Variants in CHCHD3 observed in about 807,000 individuals in gnomAD.
CHCHD3 encodes the protein coiled-coil-helix-coiled-coil-helix domain containing 3, also known as MICOS complex subunit MIC19.
CHCHD3 carries 20 observed loss-of-function variants against 38.2 expected under a neutral mutation model. The ratio of observed to expected loss-of-function variants is 0.52; its 90% CI spans 0.37 to 0.76. The LOEUF (loss-of-function observed/expected upper bound fraction) is 0.76. Among genes scored for constraint, CHCHD3 ranks in the 30% least tolerant of loss-of-function variants. The pLI is 0.00. For synonymous variants in CHCHD3, 82 were observed against 100.0 expected, an observed-to-expected ratio of 0.82 and a Z score of 1.07; for missense variants, 245 against 279.2, an observed-to-expected ratio of 0.88 and a Z score of 0.87.
chr7:133,042,336 G>A (rs892316937), intron 2 of CHCHD3, among the ~76,000 whole-genome samples: 16 of 151,988 alleles, frequency 1.1e-4, no homozygotes, highest in Admixed American at 7.9e-4. Flanking sequence ...ACTATCTTAC[G>A]TTTCCCTTTG....
At chr7:133,028,331 A>G (rs560055127) in intron 2 of CHCHD3, among the ~76,000 whole-genome samples, 5 of 152,318 alleles carry the variant, frequency 3.3e-5, no homozygotes, top group East Asian at 1.9e-4. Flanking sequence ...GAGAGTAACT[A>G]TGATGCACTG....
intron 2 of CHCHD3, 94 bp downstream of exon 2, chr7:133,070,048 G>A (rs1814773805): frequency 7.1e-6 from 6 of 842,912 alleles, no homozygotes; most frequent in African/African-American, 3.5e-5. Flanking sequence ...TCTAAATAAC[G>A]AAAGACAGAA....
chr7:132,940,355 G>C (rs1810734470), intron 4 of CHCHD3, among the ~76,000 whole-genome samples: 1 of 152,180 alleles, frequency 6.6e-6, no homozygotes, highest in Admixed American at 6.5e-5. Context: ...GCATCCCTGG[G>C]AAATAAGGTG....
At chr7:132,945,102 C>T (rs1554392448) in intron 4 of CHCHD3, among the ~76,000 whole-genome samples, 1 of 151,850 alleles carries the variant, frequency 6.6e-6, no homozygotes, top group African/African-American at 2.4e-5. Context: ...TCTTGTCTAA[C>T]GGCATTGGTT....
intron 4 of CHCHD3, among the ~76,000 whole-genome samples, chr7:132,951,967 G>C (rs1447245166): frequency 6.6e-6 from 1 of 152,216 alleles, no homozygotes; most frequent in East Asian, 1.9e-4. Context: ...CATCAAGGGA[G>C]AGGCCCAAGA....
chr7:133,009,827 A>G (rs972641819), intron 3 of CHCHD3, among the ~76,000 whole-genome samples: 3 of 152,312 alleles, frequency 2.0e-5, no homozygotes, highest in Admixed American at 2.0e-4. Context: ...TGTCGTTTCA[A>G]ATTTTGATTA....
chr7:132,851,425 T>A (rs991517967), intron 5 of CHCHD3, among the ~76,000 whole-genome samples: 3 of 152,216 alleles, frequency 2.0e-5, no homozygotes, highest in Admixed American at 6.5e-5. Context: ...CTATTATTCT[T>A]TTTAATAATA....
At chr7:132,871,722 G>C (rs1808770689) in intron 5 of CHCHD3, among the ~76,000 whole-genome samples, 1 of 152,140 alleles carries the variant, frequency 6.6e-6, no homozygotes, top group African/African-American at 2.4e-5. Flanking sequence ...GAGGAGTGAT[G>C]AGATGTTACA....
intron 5 of CHCHD3, among the ~76,000 whole-genome samples, chr7:132,868,978 G>C (rs991637756): frequency 1.3e-5 from 2 of 151,934 alleles, no homozygotes; most frequent in African/African-American, 4.8e-5. Flanking sequence ...ATATAACTCA[G>C]TCTGTACTTA....
chr7:132,886,450 TA>T (rs539869097), intron 4 of CHCHD3, among the ~76,000 whole-genome samples: 4 of 150,704 alleles, frequency 2.7e-5, no homozygotes, highest in African/African-American at 9.7e-5. Context: ...TCAAGATTTG[TA>T]AAAAAAAATG....
intron 4 of CHCHD3, among the ~76,000 whole-genome samples, chr7:132,890,564 G>A (rs1237255131): frequency 1.3e-5 from 2 of 152,110 alleles, no homozygotes; most frequent in Admixed American, 6.6e-5. Context: ...CAAGCACAAG[G>A]CATTTTAAGG....
chr7:132,890,599 C>T (rs77506910), intron 4 of CHCHD3, among the ~76,000 whole-genome samples: 65 of 152,228 alleles, frequency 4.3e-4, no homozygotes, highest in Non-Finnish European at 8.4e-4. Context: ...ATGGGCAAAG[C>T]TTGTATATTT....
chr7:132,944,074 T>C (rs575709572), intron 4 of CHCHD3, among the ~76,000 whole-genome samples: 1 of 152,262 alleles, frequency 6.6e-6, no homozygotes, highest in Non-Finnish European at 1.5e-5. Flanking sequence ...ATATACTCTT[T>C]AAACAGCAAA....
chr7:133,058,266 G>T (rs1302523866), intron 2 of CHCHD3, among the ~76,000 whole-genome samples: 2 of 151,100 alleles, frequency 1.3e-5, no homozygotes, highest in South Asian at 2.1e-4. Flanking sequence ...TTGAGATGGG[G>T]TGTCACTCTG....
chr7:133,020,124 T>A (rs1813138535), intron 3 of CHCHD3, among the ~76,000 whole-genome samples: 1 of 152,264 alleles, frequency 6.6e-6, no homozygotes, highest in Middle Eastern at 3.4e-3. Flanking sequence ...CACTAATCTA[T>A]CAGCGATTTG....
At chr7:133,007,126 T>C (rs1385682463) in intron 3 of CHCHD3, among the ~76,000 whole-genome samples, 1 of 152,240 alleles carries the variant, frequency 6.6e-6, no homozygotes, top group African/African-American at 2.4e-5. Flanking sequence ...AAAATACTTA[T>C]TACTATCATG....
At chr7:132,897,894 C>G (rs1302015847) in intron 4 of CHCHD3, among the ~76,000 whole-genome samples, 1 of 152,174 alleles carries the variant, frequency 6.6e-6, no homozygotes, top group Non-Finnish European at 1.5e-5. Flanking sequence ...GTGAGTGTTA[C>G]AGTTCTTAAA....
intron 4 of CHCHD3, among the ~76,000 whole-genome samples, chr7:132,923,872 A>G (rs563933193): frequency 6.6e-6 from 1 of 152,328 alleles, no homozygotes; most frequent in African/African-American, 2.4e-5. Context: ...TAGAGAAGGA[A>G]TGAGAAAGAT....
intron 4 of CHCHD3, among the ~76,000 whole-genome samples, chr7:132,899,302 G>A (rs1419678401): frequency 2.0e-5 from 3 of 152,184 alleles, no homozygotes; most frequent in Non-Finnish European, 1.5e-5. Context: ...AGGGAAGGAA[G>A]GAAGATCATA....
Sources: allele counts gnomAD v4.1 joint callset (sites outside exome capture counted in the v4.1 genomes callset), GRCh38; gene constraint gnomAD v4.1.1; transcripts MANE v1.5; gene names NCBI Gene and HGNC (gene_info 2026-07-23, HGNC 2026-07-21).